Variants in DNAH5 observed in about 807,000 individuals in gnomAD.
The protein encoded by DNAH5 is dynein axonemal heavy chain 5, also known as axonemal beta dynein heavy chain 5.
In DNAH5, 372 loss-of-function variants were observed where a neutral mutation model predicts 518.2. The observed-to-expected ratio is 0.72, with a 90% CI of 0.66 to 0.78. The LOEUF is 0.78. Ranked by LOEUF, DNAH5 falls within the 30% of genes least tolerant of loss-of-function variation. DNAH5 has a pLI of 0.00. For missense variants in DNAH5, 5,523 were observed against 5,687.0 expected (o/e 0.97, Z 0.93); for synonymous variants, 2,039 against 2,025.9 (o/e 1.01, Z -0.17).
chr5:13,779,327 C>A (rs1002743589), intron 53 of DNAH5, among the ~76,000 whole-genome samples: 3 of 152,194 alleles, frequency 2.0e-5, no homozygotes, highest in Non-Finnish European at 4.4e-5. Flanking sequence ...TGGATTTATT[C>A]TCCAAGAAGA....
intron 1 of DNAH5, among the ~76,000 whole-genome samples, chr5:13,976,050 G>T (rs918361661): frequency 6.6e-6 from 1 of 152,146 alleles, no homozygotes; most frequent in Non-Finnish European, 1.5e-5. Context: ...TTTTAAAAAA[G>T]AACTAAGTTC....
intron 1 of DNAH5, among the ~76,000 whole-genome samples, chr5:13,968,796 C>T (rs954219197): frequency 3.9e-5 from 6 of 151,992 alleles, no homozygotes; most frequent in African/African-American, 1.2e-4. Flanking sequence ...ATGTCGTGTC[C>T]TGGTTTTGGT....
intron 59 of DNAH5, among the ~76,000 whole-genome samples, chr5:13,764,512 CAAT>C (rs1752235686): frequency 6.6e-6 from 1 of 152,136 alleles, no homozygotes; most frequent in African/African-American, 2.4e-5. Flanking sequence ...ATTAAGCCAA[CAAT>C]AATAAGACAC....
At chr5:13,969,809 T>A (rs1361491579) in intron 1 of DNAH5, among the ~76,000 whole-genome samples, 3 of 152,200 alleles carry the variant, frequency 2.0e-5, no homozygotes, top group African/African-American at 7.2e-5. Context: ...GTTCTGTAAA[T>A]ATCTGTTAAA....
intron 9 of DNAH5, 140 bp downstream of exon 9, chr5:13,916,208 T>C (rs1370152533): frequency 8.6e-6 from 3 of 348,366 alleles, no homozygotes; most frequent in African/African-American, 6.4e-5. Flanking sequence ...TAATTCTATC[T>C]CTATTGATAG....
At chr5:13,709,406 A>G (rs1424664171) in intron 75 of DNAH5, among the ~76,000 whole-genome samples, 1 of 152,120 alleles carries the variant, frequency 6.6e-6, no homozygotes, top group East Asian at 1.9e-4. Flanking sequence ...AATTTAAAAA[A>G]AAAAATTTGT....
intron 65 of DNAH5, among the ~76,000 whole-genome samples, chr5:13,738,318 G>T (rs1460168774): frequency 2.6e-5 from 4 of 151,954 alleles, no homozygotes; most frequent in Non-Finnish European, 5.9e-5. Flanking sequence ...GATTAAATAG[G>T]TTTACTTCTG....
chr5:13,778,345 A>C (rs1032905261), intron 53 of DNAH5, among the ~76,000 whole-genome samples: 2 of 151,852 alleles, frequency 1.3e-5, no homozygotes, highest in Non-Finnish European at 2.9e-5. Context: ...TCTAGAAGAC[A>C]CCTAAAGAAG....
chr5:13,872,624 A>C (rs1291329381), intron 22 of DNAH5, among the ~76,000 whole-genome samples: 1 of 152,204 alleles, frequency 6.6e-6, no homozygotes, highest in African/African-American at 2.4e-5. Flanking sequence ...TTGCTAACCA[A>C]GTATGCATCT....
At chr5:13,819,065 T>G (rs571134366) in intron 41 of DNAH5, among the ~76,000 whole-genome samples, 27 of 152,360 alleles carry the variant, frequency 1.8e-4, no homozygotes, top group African/African-American at 6.5e-4. Flanking sequence ...ACATAATGTA[T>G]CTATATTGTT....
intron 1 of DNAH5, among the ~76,000 whole-genome samples, chr5:14,009,138 T>C (rs977142396): frequency 4.6e-5 from 7 of 152,206 alleles, no homozygotes; most frequent in African/African-American, 1.4e-4. Flanking sequence ...TTTGTCTGTT[T>C]GTTAAAAGAA....
chr5:14,009,242 A>G (rs866713590), intron 1 of DNAH5, among the ~76,000 whole-genome samples: 8 of 152,250 alleles, frequency 5.3e-5, no homozygotes, highest in Non-Finnish European at 7.3e-5. Context: ...GCGTGACTAA[A>G]GGAGAAAATG....
intron 34 of DNAH5, 69 bp from the exon 35 acceptor site, chr5:13,839,597 T>A: frequency 1.5e-6 from 2 of 1,313,034 alleles, no homozygotes; most frequent in Non-Finnish European, 2.2e-6. Context: ...GTTATTAGCA[T>A]TCATGTAGAT....
chr5:13,695,390 A>G (rs2126362200), intron 78 of DNAH5, among the ~76,000 whole-genome samples: 1 of 152,262 alleles, frequency 6.6e-6, no homozygotes, highest in African/African-American at 2.4e-5. Context: ...AGTCTACCTT[A>G]GCAGGTACCT....
intron 30 of DNAH5, among the ~76,000 whole-genome samples, chr5:13,852,301 G>A (rs907747895): frequency 1.1e-4 from 17 of 152,178 alleles, no homozygotes; most frequent in Admixed American, 1.1e-3. Context: ...CTGAGAAGCT[G>A]GGATTACAGG....
intron 41 of DNAH5, 94 bp from the exon 42 acceptor site, chr5:13,817,788 G>T: frequency 8.2e-7 from 1 of 1,212,170 alleles, no homozygotes; most frequent in Non-Finnish European, 1.2e-6. Flanking sequence ...CTGTCAGCAG[G>T]TGCTCAAAAT....
At chr5:13,902,367 C>T (rs1246947750) in intron 12 of DNAH5, among the ~76,000 whole-genome samples, 3 of 152,186 alleles carry the variant, frequency 2.0e-5, no homozygotes, top group African/African-American at 4.8e-5. Flanking sequence ...TCCACGGGTA[C>T]TGGGCCAGAC....
Position 13,717,493 on chromosome 5 carries a change from C to A in DNAH5, c.12527G>T (p.Ser4176Ile). 6.2e-7 allele frequency: 1 copy of A among 1,614,196 alleles called. No individual in the cohort carries two copies. The highest frequency in any genetic ancestry group is 1.1e-5 in the South Asian group (1 of 91,082). The part of the protein sequence containing the change: ...SGVSQDLLDV[S>I]SGSQWKPMLY... ...CATGGGCTTCCACTGGGACCCAGAG[C>A]TCACGTCCAGCAGGTCTTGGCTGAC... The change falls in exon 73 of 79, where the codon AGC becomes ATC. Residue 4176 changes from serine (S) to isoleucine (I), a missense_variant. This residue lies in a region of DNAH5 where 5,121 missense variants were observed against 5,223.3 expected (regional missense o/e 0.98). Transcript: ENST00000265104.
rs186351113 is a variant in DNAH5, at chr5:13,796,352, T to C, written c.7888-2294A>G. ...AAGCTGATAAGCAACTTCAGCAAAGTCTCAGGATACAAAAGCAATGTGCGA... is the reference window on the plus strand; with the variant it reads ...AAGCTGATAAGCAACTTCAGCAAAGCCTCAGGATACAAAAGCAATGTGCGA... On this transcript the variant is annotated intron_variant, in intron 47 of 78. Transcript: ENST00000265104. Among the ~76,000 whole-genome samples the C allele has an allele frequency of 2.6e-4, 40 of 152,270 alleles. No individual in the cohort carries two copies. The East Asian group carries it at 6.8e-3, about 26-fold the overall frequency.
Sources: gnomAD v4.1 joint callset for allele counts (sites outside exome capture counted in the v4.1 genomes callset) on GRCh38, gnomAD v4.1.1 for gene constraint, gnomAD v4.1.1 regional missense constraint, MANE v1.5 for transcripts, NCBI Gene and HGNC (gene_info 2026-07-23, HGNC 2026-07-21) for gene names.